KRT81: variants seen among roughly 807,000 people sequenced by gnomAD.
KRT81 encodes the protein keratin 81, also known as keratin, type II cuticular Hb1.
A neutral mutation model predicts 35.8 loss-of-function variants in KRT81; 35 were observed. The observed-to-expected ratio is 0.98, with a 90% confidence interval of 0.75 to 1.30. The LOEUF is 1.30. KRT81 is among the 50% of genes most tolerant of loss of function. The pLI, the probability that KRT81 is intolerant of heterozygous loss-of-function variation, is 0.00. For synonymous variants in KRT81, 249 were observed against 251.2 expected (o/e 0.99, Z 0.08); for missense variants, 531 against 577.4 (o/e 0.92, Z 0.82).
Position 52,291,527 on chromosome 12 carries a change from C to T in KRT81, c.-62G>A, listed in dbSNP as rs1938125486. The T allele has an allele frequency of 6.3e-7, 1 of 1,598,048 alleles. No individual in the cohort carries two copies. The highest frequency in any genetic ancestry group is 1.1e-5 in the South Asian group (1 of 89,182). ...AGGGGACCTGGAGTCCTGATGGAAA[C>T]TCCAATGTGCTCCTCAGGGCACCGC... On this transcript the variant is annotated 5_prime_UTR_variant, in exon 1 of 9. Coordinates refer to ENST00000327741, the MANE Select transcript of KRT81 (RefSeq NM_002281.4).
rs1938036591 is a variant in KRT81, at chr12:52,288,470, G to A, written c.640-14C>T. 1.9e-6 allele frequency: 3 copies of A among 1,613,946 alleles called. No homozygotes were observed. Among genetic ancestry groups the A allele is most frequent in the South Asian group, 1.1e-5 (1 of 91,074 alleles). On this transcript the variant is annotated splice_polypyrimidine_tract_variant and intron_variant, in intron 3 of 8. Coordinates refer to ENST00000327741, the MANE Select transcript of KRT81 (RefSeq NM_002281.4). Reference sequence around the variant, plus strand: ...GCAGTCCACATCCTGGAAAGGTGGGGAGTGTTGGAGCTCAAGGACCCTGGT... The same window carrying A: ...GCAGTCCACATCCTGGAAAGGTGGGAAGTGTTGGAGCTCAAGGACCCTGGT...
chr12:52,291,318 C>A lies in KRT81; in HGVS notation c.148G>T (p.Val50Leu). Residue 50 changes from valine (V) to leucine (L), a missense_variant, in exon 1 of 9, where the codon GTG becomes TTG. Val to Leu is a conservative substitution (Grantham distance 32, BLOSUM62 1). Transcript: ENST00000327741. ...GAGCCGGCCCGAAAGCCTCCGCACA[C>A]GCTGTGGCTGCCGAAGCCCCCGGTG... Reference protein sequence around the residue: ...GLTGGFGSHSVCGGFRAGSCG... With the variant: ...GLTGGFGSHSLCGGFRAGSCG... The A allele has an allele frequency of 1.3e-6, 2 of 1,551,198 alleles. No individual in the cohort carries two copies. Among genetic ancestry groups the A allele is most frequent in the East Asian group, 2.4e-5 (1 of 41,288 alleles).
chr12:52,285,929 A>G lies in KRT81; in HGVS notation c.*326T>C, dbSNP rs924586709. ...AGACCCAGGTTGGCTACATTAATTT[A>G]TTGAAACACAGATCAAGAGCAGAGG... On this transcript the variant is annotated 3_prime_UTR_variant, in exon 9 of 9. Transcript: ENST00000327741. 1.5e-5 allele frequency: 6 copies of G among 408,978 alleles called. No homozygotes were observed. The highest frequency in any genetic ancestry group is 1.2e-4 in the African/African-American group (6 of 49,252). 25.3% of individuals were successfully genotyped at this position (408,978 alleles called of 1,614,324 possible).
intron 6 of KRT81, 131 bp downstream of exon 6, chr12:52,287,465 C>T (rs1459610380): frequency 6.3e-7 from 1 of 1,583,724 alleles, no homozygotes; most frequent in Non-Finnish European, 8.6e-7. Context: ...CATTGAGAGA[C>T]CACGACCAGG....
intron 6 of KRT81, 43 bp downstream of exon 6, chr12:52,287,553 T>C (rs770803573): frequency 1.9e-6 from 3 of 1,613,810 alleles, no homozygotes; most frequent in Non-Finnish European, 2.5e-6. Flanking sequence ...TGACAATGGT[T>C]AGGCCCTCGG....
In KRT81 at chr12:52,291,114, C is replaced by T. The variant is rs548481177; in HGVS notation, c.352G>A (p.Ala118Thr). The T allele has an allele frequency of 3.3e-5, 27 of 822,456 alleles. No homozygotes were observed. The East Asian group carries it at 6.8e-4, about 21-fold the overall frequency. The allele number at this position is 822,456 out of a possible 1,614,324, so 50.9% of individuals were successfully genotyped here. A position where few individuals can be genotyped will look rare whatever the true frequency, so the allele number is the denominator to read the frequency against. Reference sequence around the variant, plus strand: ...ACACCCACCTTGTCGATGAAGGCCGCGAACCTGCTGTTGAGGGACTTGATC... The same window carrying T: ...ACACCCACCTTGTCGATGAAGGCCGTGAACCTGCTGTTGAGGGACTTGATC... ...EQIKSLNSRF[A>T]AFIDKVRFLE... Residue 118 changes from alanine (A) to threonine (T), a missense_variant, in exon 1 of 9, where the codon GCG becomes ACG. Transcript: ENST00000327741.
rs1937927854 is a variant in KRT81 at position 52,286,299 on chromosome 12, A to G, written c.1474T>C (p.Ser492Pro). ...SCGVGSCGIS[S>P]LGVGSCGSSC... ...CTGCCGCAAGACCCCACACCCAGGG[A>G]GCTGATACCACAGGAGCCCACGCCG... Residue 492 changes from serine to proline, a missense_variant, in exon 9 of 9, where the codon TCC (serine) becomes CCC (proline). This residue lies in a region of KRT81 where 150 missense variants were observed against 145.4 expected (regional missense o/e 1.03). Transcript: ENST00000327741. 1.3e-6 allele frequency: 2 copies of G among 1,554,574 alleles called. No homozygotes were observed. Among genetic ancestry groups the G allele is most frequent in the Non-Finnish European group, 1.7e-6 (2 of 1,148,582 alleles).
chr12:52,287,254 G>A lies in KRT81; in HGVS notation c.1095C>T (p.Arg365=). The A allele has an allele frequency of 1.9e-6, 3 of 1,614,112 alleles. No homozygotes were observed. Among genetic ancestry groups the A allele is most frequent in the Non-Finnish European group, 2.5e-6 (3 of 1,180,004 alleles). ...QQGEAALSDA[R]CKLAELEGAL... ...CGCCCTCCAGCTCGGCCAGCTTGCA[G>A]CGGGCATCACTGAGGGCCGCCTCAC... The change falls in exon 7 of 9, where the codon CGC becomes CGT. Residue 365 remains arginine (R), a synonymous_variant. Coordinates refer to ENST00000327741, the MANE Select transcript of KRT81 (RefSeq NM_002281.4).
chr12:52,287,984 C>T lies in KRT81; in HGVS notation c.900G>A (p.Lys300=). Residue 300 remains lysine, a splice_region_variant and synonymous_variant, in exon 5 of 9, where the codon AAG becomes AAA. Coordinates refer to ENST00000327741, the MANE Select transcript of KRT81 (RefSeq NM_002281.4). ...CAGGCAGGTGTCCTGTGCCACTCAC[C>T]TTGCTGCGGTACCAGGACTCGGCCT... The part of the protein sequence containing the change: ...RAEAESWYRS[K]CEEMKATVIR... 4 of 1,614,206 alleles carry T rather than the reference C, an allele frequency of 2.5e-6. No individual in the cohort carries two copies. Among genetic ancestry groups the T allele is most frequent in the Non-Finnish European group, 2.5e-6 (3 of 1,180,042 alleles).
rs772604686 is a variant in KRT81, at chr12:52,288,055, C to T, written c.829G>A (p.Glu277Lys). 18 of 1,614,106 alleles carry T rather than the reference C, an allele frequency of 1.1e-5. No homozygotes were observed. The Middle Eastern group carries it at 4.9e-4, about 44-fold the overall frequency. ...RDLNMDCIIA[E>K]IKAQYDDIVT... ...ATGTCGTCATACTGTGCCTTAATCT[C>T]GGCAATGATGCAGTCCATGTTCAGG... Residue 277 changes from glutamate to lysine, a missense_variant, in exon 5 of 9, where the codon GAG (glutamate) becomes AAG (lysine). Physicochemically the swap from Glu to Lys is moderately conservative, Grantham distance 56. Transcript: ENST00000327741.
Position 52,286,196 on chromosome 12 carries a change from T to C in KRT81, c.*59A>G, listed in dbSNP as rs1937922532. On this transcript the variant is annotated 3_prime_UTR_variant, in exon 9 of 9. Transcript: ENST00000327741. ...ACTTGCTCCAGGCGCCTGGACTGGA[T>C]GGGCCAAGCAAGGCAGGGCAGGAAA... is the stretch of plus-strand genomic sequence containing the variant. 1.4e-6 allele frequency: 2 copies of C among 1,417,482 alleles called. No individual in the cohort carries two copies. Among genetic ancestry groups the C allele is most frequent in the Non-Finnish European group, 1.9e-6 (2 of 1,026,108 alleles). The allele number at this position is 1,417,482 out of a possible 1,614,324, so 87.8% of individuals were successfully genotyped here.
chr12:52,286,034 A>G lies in KRT81; in HGVS notation c.*221T>C, dbSNP rs887562214. The stretch of plus-strand genomic sequence containing the variant: ...CTTCCTGCTCCTGAGGCCCCTTCCT[A>G]TGGGTGCCAGCGGACTTCTTTCTAG... On this transcript the variant is annotated 3_prime_UTR_variant, in exon 9 of 9. Transcript: ENST00000327741. The G allele has an allele frequency of 1.9e-5, 11 of 580,856 alleles. No individual in the cohort carries two copies. The highest frequency in any genetic ancestry group is 1.5e-4 in the African/African-American group (8 of 53,500). 36.0% of individuals were successfully genotyped at this position (580,856 alleles called of 1,614,324 possible). A position where few individuals can be genotyped will look rare whatever the true frequency, so the allele number is the denominator to read the frequency against.
In KRT81 at chr12:52,291,243, G is replaced by T; in HGVS notation, c.223C>A (p.Pro75Thr). The T allele has an allele frequency of 6.6e-7, 1 of 1,505,334 alleles. No homozygotes were observed. Among genetic ancestry groups the T allele is most frequent in the South Asian group, 1.2e-5 (1 of 80,100 alleles). The allele number at this position is 1,505,334 out of a possible 1,614,324, so 93.2% of individuals were successfully genotyped here. A position where few individuals can be genotyped will look rare whatever the true frequency, so the allele number is the denominator to read the frequency against. Residue 75 changes from proline (P) to threonine (T), a missense_variant, in exon 1 of 9, where the codon CCC becomes ACC. Pro to Thr is a conservative substitution (Grantham distance 38). Transcript: ENST00000327741. ...ACCGACACGGTGGTGATGCATGGGG[G>T]ACTGGGCCCGCACACGCCCCCGGAG... Reference protein sequence around the residue: ...YRSGGVCGPSPPCITTVSVNE... With the variant: ...YRSGGVCGPSTPCITTVSVNE...
In KRT81 at chr12:52,288,465, G is replaced by T; in HGVS notation, c.640-9C>A. 2 of 1,614,012 alleles carry T rather than the reference G, an allele frequency of 1.2e-6. No homozygotes were observed. The highest frequency in any genetic ancestry group is 1.7e-5 in the Admixed American group (1 of 60,018). Reference sequence around the variant, plus strand: ...TAGGCGCAGTCCACATCCTGGAAAGGTGGGGAGTGTTGGAGCTCAAGGACC... The same window carrying T: ...TAGGCGCAGTCCACATCCTGGAAAGTTGGGGAGTGTTGGAGCTCAAGGACC... On this transcript the variant is annotated splice_polypyrimidine_tract_variant and intron_variant, in intron 3 of 8. Transcript: ENST00000327741.
At chr12:52,286,599 C>A in intron 8 of KRT81, 106 bp from the exon 9 acceptor site, 2 of 1,312,750 alleles carry the variant, frequency 1.5e-6, no homozygotes, top group Non-Finnish European at 2.1e-6. Context: ...AAGTCAGAAG[C>A]ATCTTTGTGG....
At chr12:52,286,586 GAA>G in intron 8 of KRT81, 93 bp from the exon 9 acceptor site, 1 of 1,351,504 alleles carries the variant, frequency 7.4e-7, no homozygotes, top group South Asian at 1.2e-5. Flanking sequence ...GCTCTGGTAT[GAA>G]AAGTCAGAAG....
rs34187924 is a variant in KRT81, at chr12:52,287,624, G to A, written c.998C>T (p.Thr333Met). The A allele has an allele frequency of 1.2e-5, 20 of 1,613,804 alleles. No homozygotes were observed. Among genetic ancestry groups the A allele is most frequent in the South Asian group, 2.2e-5 (2 of 91,068 alleles). Residue 333 changes from threonine to methionine, a missense_variant, in exon 6 of 9, where the codon ACG becomes ATG. Transcript: ENST00000327741. ...GCACTTGGCATTCTCCACCTCGGCC[G>A]TCAGCCTTTGGATCATGCGGTTCAG... ...NELNRMIQRL[T>M]AEVENAKCQN...
intron 3 of KRT81, among the ~76,000 whole-genome samples, chr12:52,288,730 C>A (rs1303483921): frequency 2.0e-5 from 3 of 152,060 alleles, no homozygotes; most frequent in Non-Finnish European, 4.4e-5. Context: ...AGGAAGCCTG[C>A]CCAGACTGAC....
chr12:52,291,440 C>T lies in KRT81; in HGVS notation c.26G>A (p.Gly9Glu). ...GGCCGAGATGCAGCTGAAGGCGCGC[C>T]CACCAAATCCTGATCCGCAGGTCAT... is the stretch of plus-strand genomic sequence containing the variant. MTCGSGFG[G>E]RAFSCISACG... Residue 9 changes from glycine to glutamate, a missense_variant, in exon 1 of 9, where the codon GGG (glycine) becomes GAG (glutamate). Around this residue, in one of 5 missense-constraint regions of KRT81, gnomAD observed 133 missense variants for 125.9 expected, o/e 1.06. Coordinates refer to ENST00000327741, the MANE Select transcript of KRT81 (RefSeq NM_002281.4). The T allele has an allele frequency of 1.2e-6, 2 of 1,612,744 alleles. No individual in the cohort carries two copies. Among genetic ancestry groups the T allele is most frequent in the South Asian group, 1.1e-5 (1 of 90,936 alleles).
Sources: allele counts gnomAD v4.1 joint callset (sites outside exome capture counted in the v4.1 genomes callset), GRCh38; gene constraint gnomAD v4.1.1; regional missense constraint gnomAD v4.1.1; transcripts MANE v1.5; gene names NCBI Gene and HGNC (gene_info 2026-07-23, HGNC 2026-07-21).